The following MFSD11 variants were observed in gnomAD, a reference collection of about 807,000 sequenced individuals.
MFSD11 encodes the protein UNC93-like protein MFSD11.
Under a neutral mutation model 53.5 loss-of-function variants are expected in MFSD11, and 36 were observed. That is an observed-to-expected ratio of 0.67 (90% CI 0.52 to 0.89). The LOEUF is 0.89. MFSD11 is among the 40% of genes least tolerant of loss of function. MFSD11 has a pLI of 0.00. For synonymous variants in MFSD11, 186 were observed against 184.9 expected, an observed-to-expected ratio of 1.01 and a Z score of -0.05; for missense variants, 530 against 543.9, an observed-to-expected ratio of 0.97 and a Z score of 0.25.
chr17:76,779,696 G>C (rs1217214499), downstream of MFSD11, among the ~76,000 whole-genome samples: 1 of 152,116 alleles, frequency 6.6e-6, no homozygotes, highest in African/African-American at 2.4e-5. Context: ...TGTTGGCCAG[G>C]CTGGTCTGGA....
the MFSD11 span, chr17:76,799,289 A>T: frequency 6.6e-6 from 1 of 151,748 alleles, no homozygotes; most frequent in Admixed American, 6.6e-5. Flanking sequence ...TAATTTTTGT[A>T]GTTTTAGTAG....
At chr17:76,741,123 G>C in intron 3 of MFSD11, 59 bp downstream of exon 3, 1 of 1,045,180 alleles carries the variant, frequency 9.6e-7, no homozygotes, top group South Asian at 1.3e-5. Context: ...CTTTCAAGTA[G>C]ATAGTAAACT....
intron 12 of MFSD11, among the ~76,000 whole-genome samples, chr17:76,777,500 G>T (rs2081956472): frequency 6.6e-6 from 1 of 152,142 alleles, no homozygotes; most frequent in Non-Finnish European, 1.5e-5. Flanking sequence ...CCCACAAAGT[G>T]CTGGGATTAT....
At chr17:76,775,304 T>C (rs909496156) in intron 11 of MFSD11, 133 bp downstream of exon 11, 1 of 715,504 alleles carries the variant, frequency 1.4e-6, no homozygotes, top group Non-Finnish European at 2.2e-6. Flanking sequence ...CAAGTGTTCA[T>C]GGAGTCAGAC....
At chr17:76,788,120 A>G in the MFSD11 span, among the ~76,000 whole-genome samples, 688 of 149,146 alleles carry the variant, frequency 4.6e-3, 25 homozygotes, top group African/African-American at 0.016. Context: ...AGCTCACTGC[A>G]AGCTCCGCCT....
chr17:76,775,123 C>CG lies in MFSD11; in HGVS notation c.1002dup (p.Ile335AspfsTer5). ...TTTCTCAACATGCCTGGAGATGCCC[C>CG]GATTGCTCCTGTTAAAGGAACTGAC... On this transcript the variant is annotated frameshift_variant, in exon 11 of 13. Coordinates refer to ENST00000685175, the MANE Select transcript of MFSD11 (RefSeq NM_001242532.5). LOFTEE classifies it high-confidence loss of function. The CG allele has an allele frequency of 6.2e-7, 1 of 1,613,960 alleles. No individual in the cohort carries two copies. The highest frequency in any genetic ancestry group is 8.5e-7 in the Non-Finnish European group (1 of 1,179,916).
intron 10 of MFSD11, among the ~76,000 whole-genome samples, chr17:76,770,524 C>T (rs1484563292): frequency 6.6e-6 from 1 of 152,148 alleles, no homozygotes; most frequent in Non-Finnish European, 1.5e-5. Flanking sequence ...CAGCTCAATC[C>T]TGTTCTAACA....
intron 7 of MFSD11, among the ~76,000 whole-genome samples, chr17:76,751,392 G>GA (rs920791197): frequency 1.8e-4 from 26 of 143,230 alleles, no homozygotes; most frequent in Middle Eastern, 7.6e-3. Context: ...ATTGTCTTAA[G>GA]AAAAAAAAAA....
At chr17:76,802,494 T>C in the MFSD11 span, among the ~76,000 whole-genome samples, 1 of 152,204 alleles carries the variant, frequency 6.6e-6, no homozygotes, top group Admixed American at 6.5e-5. Flanking sequence ...AGTCATGCAC[T>C]TGAGTGTTCC....
chr17:76,798,593 C>T, the MFSD11 span, among the ~76,000 whole-genome samples: 7 of 152,106 alleles, frequency 4.6e-5, no homozygotes, highest in Non-Finnish European at 4.4e-5. Context: ...AATTCCAAGG[C>T]TTGTAGGAGT....
chr17:76,794,924 G>A, the MFSD11 span, among the ~76,000 whole-genome samples: 1 of 149,768 alleles, frequency 6.7e-6, no homozygotes, highest in South Asian at 2.1e-4. Flanking sequence ...TCGAGCTCCT[G>A]ACCTCGTGAT....
the MFSD11 span, among the ~76,000 whole-genome samples, chr17:76,790,505 C>CTAATTTTTTTTGTATTTTTAGTAGAG: frequency 1.4e-5 from 2 of 146,952 alleles, no homozygotes; most frequent in African/African-American, 5.1e-5. Flanking sequence ...CCATACCCAC[C>CTAATTTTTTTTGTATTTTTAGTAGAG]ACAGGTTTTG....
At chr17:76,794,877 G>A in the MFSD11 span, among the ~76,000 whole-genome samples, 1 of 150,634 alleles carries the variant, frequency 6.6e-6, no homozygotes, top group Non-Finnish European at 1.5e-5. Context: ...TGTATTTTTA[G>A]TAGAGACGGG....
chr17:76,747,873 TTCTC>T (rs1384218377), intron 7 of MFSD11: 3 of 152,212 alleles, frequency 2.0e-5, no homozygotes, highest in African/African-American at 7.2e-5. Flanking sequence ...CTTTGTAGCA[TTCTC>T]TCTTCCTGAA....
At chr17:76,794,539 G>A in the MFSD11 span, among the ~76,000 whole-genome samples, 1 of 148,560 alleles carries the variant, frequency 6.7e-6, no homozygotes, top group Admixed American at 6.7e-5. Context: ...CTATTTAGGA[G>A]GCTGAGGCAG....
chr17:76,740,357 A>G (rs1193402133), intron 2 of MFSD11, among the ~76,000 whole-genome samples: 4 of 152,174 alleles, frequency 2.6e-5, no homozygotes, highest in Admixed American at 6.6e-5. Context: ...GTCAATAGTA[A>G]CTGAGTAATA....
chr17:76,763,449 A>G (rs756089502), intron 8 of MFSD11, among the ~76,000 whole-genome samples: 1 of 151,930 alleles, frequency 6.6e-6, no homozygotes, highest in Admixed American at 6.6e-5. Flanking sequence ...TTTTTTGTAG[A>G]GATGGGATTT....
At chr17:76,769,457 G>A (rs777978343) in intron 9 of MFSD11, 10 of 249,100 alleles carry the variant, frequency 4.0e-5, no homozygotes, top group African/African-American at 7.0e-5. Flanking sequence ...CCACCCTCAT[G>A]GCCTAATTGC....
chr17:76,776,411 A>G lies in MFSD11; in HGVS notation c.1055A>G (p.Glu352Gly). Residue 352 changes from glutamate to glycine, a missense_variant, in exon 12 of 13, where the codon GAA (glutamate) becomes GGA (glycine). Coordinates refer to ENST00000685175, the MANE Select transcript of MFSD11 (RefSeq NM_001242532.5). The surrounding 1 kb of genome is among the most constrained non-coding windows in gnomAD (Gnocchi z 4.2). ...TTGATTTTTATTTTCTTCAGCAAAG[A>G]AGTTGCCATTCTCTGCAGTTTTCTG... The part of the protein sequence containing the change: ...DSSAYIKSSK[E>G]VAILCSFLLG... 1 of 1,613,462 alleles carries G rather than the reference A, an allele frequency of 6.2e-7. No individual in the cohort carries two copies. The highest frequency in any genetic ancestry group is 1.7e-5 in the Admixed American group (1 of 59,854).
Sources: allele counts gnomAD v4.1 joint callset (sites outside exome capture counted in the v4.1 genomes callset), GRCh38; gene constraint gnomAD v4.1.1; non-coding constraint Gnocchi (gnomAD v3.1); transcripts MANE v1.5; gene names NCBI Gene and HGNC (gene_info 2026-07-23, HGNC 2026-07-21).